Variants in UST observed in about 807,000 individuals in gnomAD.
The protein encoded by UST is chondroitin sulfate 2-O-sulfotransferase.
In UST, 21 loss-of-function variants were observed where a neutral mutation model predicts 45.6. The ratio of observed to expected loss-of-function variants is 0.46; its 90% CI spans 0.33 to 0.66. The LOEUF (loss-of-function observed/expected upper bound fraction) is 0.66, where lower values mean the gene tolerates loss of function less well. Ranked by LOEUF, UST falls within the 30% of genes least tolerant of loss-of-function variation. UST has a pLI of 0.02. For missense variants in UST, 463 were observed against 512.4 expected (o/e 0.90, Z 0.93); for synonymous variants, 215 against 200.6 (o/e 1.07, Z -0.61).
intron 1 of UST, among the ~76,000 whole-genome samples, chr6:148,813,934 C>A (rs1189254246): frequency 6.6e-6 from 1 of 152,128 alleles, no homozygotes; most frequent in African/African-American, 2.4e-5. Context: ...TCCACACCCC[C>A]CCTTTGCCAT....
At chr6:149,042,477 G>T (rs1449884336) in intron 7 of UST, among the ~76,000 whole-genome samples, 3 of 152,098 alleles carry the variant, frequency 2.0e-5, no homozygotes, top group Non-Finnish European at 4.4e-5. Context: ...TGGGTAGCTT[G>T]CCCTGGTCCA....
chr6:148,954,023 A>G, intron 4 of UST, 72 bp downstream of exon 4: 1 of 1,287,718 alleles, frequency 7.8e-7, no homozygotes, highest in Non-Finnish European at 1.1e-6. Context: ...ATCTACCTTT[A>G]TTTACAAGGC....
intron 6 of UST, 31 bp downstream of exon 6, chr6:149,019,267 C>A: frequency 6.4e-7 from 1 of 1,556,104 alleles, no homozygotes; most frequent in Non-Finnish European, 8.9e-7. Context: ...ATGGCATGCA[C>A]GTACGCACAA....
At chr6:148,863,159 C>T (rs536935068) in intron 1 of UST, among the ~76,000 whole-genome samples, 73 of 152,332 alleles carry the variant, frequency 4.8e-4, no homozygotes, top group Non-Finnish European at 9.7e-4. Context: ...TTGGTCTTTT[C>T]ATATAGTCCC....
rs117629152 is a variant in UST, at chr6:148,883,149, T to C, written c.248-3837T>C. On this transcript the variant is annotated intron_variant, in intron 1 of 7. Transcript: ENST00000367463. ...GTCCTTAAAACAAAAAGTCATTGAA[T>C]AGAAAAGAGATAGAATTGACCATTT... Among the ~76,000 whole-genome samples the C allele has an allele frequency of 7.1e-4, 108 of 152,356 alleles. 1 individual carries two copies. In the East Asian group the frequency reaches 0.017, roughly 23 times the overall value.
intron 1 of UST, among the ~76,000 whole-genome samples, chr6:148,885,090 C>A (rs575659147): frequency 6.6e-6 from 1 of 152,178 alleles, no homozygotes; most frequent in Admixed American, 6.5e-5. Context: ...AGTAGGTACC[C>A]GAGCCTGGAG....
intron 1 of UST, among the ~76,000 whole-genome samples, chr6:148,813,670 G>A (rs1016425065): frequency 3.3e-5 from 5 of 152,144 alleles, no homozygotes; most frequent in African/African-American, 1.2e-4. Context: ...GTGAGCCACC[G>A]TGTCCAGCCC....
At chr6:148,873,232 G>A (rs933975548) in intron 1 of UST, among the ~76,000 whole-genome samples, 3 of 152,126 alleles carry the variant, frequency 2.0e-5, no homozygotes, top group Admixed American at 1.3e-4. Context: ...TTGCAGAGCA[G>A]CCATCTTGTA....
intron 5 of UST, among the ~76,000 whole-genome samples, chr6:148,968,164 C>T (rs1160178685): frequency 2.0e-5 from 3 of 152,212 alleles, no homozygotes; most frequent in Non-Finnish European, 2.9e-5. Flanking sequence ...CCGAGTCCCA[C>T]GCTTTTGAAG....
chr6:148,941,272 T>C lies in UST; in HGVS notation c.292-7T>C, dbSNP rs994916246. On this transcript the variant is annotated splice_polypyrimidine_tract_variant and splice_region_variant and intron_variant, in intron 2 of 7. Coordinates refer to ENST00000367463, the MANE Select transcript of UST (RefSeq NM_005715.3). ...TTTCATGTTTGTTCTCTTGGTTTTT[T>C]TCCCAGGTACTACCTTTCCCAAGCC... 2 of 1,613,186 alleles carry C rather than the reference T, an allele frequency of 1.2e-6. No homozygotes were observed. The highest frequency in any genetic ancestry group is 1.3e-5 in the African/African-American group (1 of 75,000).
At chr6:148,860,645 C>T (rs142330778) in intron 1 of UST, among the ~76,000 whole-genome samples, 2,169 of 152,210 alleles carry the variant, frequency 0.014, 61 homozygotes, top group African/African-American at 0.049. Context: ...TCATAAATAG[C>T]TCTTATTATT....
chr6:148,936,573 C>CTTTT (rs138494669), intron 2 of UST, among the ~76,000 whole-genome samples: 4 of 85,336 alleles, frequency 4.7e-5, no homozygotes, highest in Non-Finnish European at 6.6e-5. Flanking sequence ...AAAATCAGTC[C>CTTTT]TTTTTTTTTT....
intron 7 of UST, among the ~76,000 whole-genome samples, chr6:149,038,891 G>T (rs1776272989): frequency 6.6e-6 from 1 of 152,108 alleles, no homozygotes; most frequent in Admixed American, 6.6e-5. Context: ...TAGTGAGGCG[G>T]TTGGAGTTTT....
In UST at chr6:148,964,573, G is replaced by A. The variant is rs770384858; in HGVS notation, c.681+10G>A. ...GGAGGAGCGCTACCTGGTAAGTCCT[G>A]TCGCATGCAAAAGGCGGTCTCCCCA... On this transcript the variant is annotated intron_variant, in intron 5 of 7. Transcript: ENST00000367463. The A allele has an allele frequency of 6.2e-7, 1 of 1,612,826 alleles. No individual in the cohort carries two copies. Among genetic ancestry groups the A allele is most frequent in the Non-Finnish European group, 8.5e-7 (1 of 1,179,818 alleles).
chr6:148,793,605 A>G (rs1776894045), intron 1 of UST, among the ~76,000 whole-genome samples: 1 of 152,206 alleles, frequency 6.6e-6, no homozygotes. Context: ...CATCACCACC[A>G]ACAGGTGAGT....
chr6:149,070,449 G>A (rs2115046598), intron 7 of UST, among the ~76,000 whole-genome samples: 1 of 152,098 alleles, frequency 6.6e-6, no homozygotes, highest in African/African-American at 2.4e-5. Context: ...TGTTCAATGT[G>A]TGTTATGTTT....
intron 1 of UST, among the ~76,000 whole-genome samples, chr6:148,789,473 A>G (rs1776799163): frequency 6.6e-6 from 1 of 151,628 alleles, no homozygotes; most frequent in Non-Finnish European, 1.5e-5. Flanking sequence ...ACACACACAC[A>G]CACACACACA....
At chr6:148,868,264 T>C (rs1338390927) in intron 1 of UST, among the ~76,000 whole-genome samples, 4 of 152,194 alleles carry the variant, frequency 2.6e-5, no homozygotes, top group Non-Finnish European at 4.4e-5. Context: ...AACAAGTAAG[T>C]TGATGTTAAG....
At chr6:148,762,129 T>G (rs528455232) in intron 1 of UST, among the ~76,000 whole-genome samples, 1 of 152,216 alleles carries the variant, frequency 6.6e-6, no homozygotes. Flanking sequence ...TGTAGTTATA[T>G]TCTTCATTCG....
Sources: gnomAD v4.1 joint callset for allele counts (sites outside exome capture counted in the v4.1 genomes callset) on GRCh38, gnomAD v4.1.1 for gene constraint, MANE v1.5 for transcripts, NCBI Gene and HGNC (gene_info 2026-07-23, HGNC 2026-07-21) for gene names.